SOX6: variants seen among roughly 807,000 people sequenced by gnomAD.
The protein encoded by SOX6 is SRY-box transcription factor 6.
A neutral mutation model predicts 97.8 loss-of-function variants in SOX6; 11 were observed. The ratio of observed to expected loss-of-function variants is 0.11; its 90% confidence interval spans 0.07 to 0.19. SOX6 has a LOEUF of 0.19. SOX6 is among the 10% of genes least tolerant of loss of function. SOX6 has a pLI of 1.00. For missense variants in SOX6, 810 were observed against 1,039.5 expected (o/e 0.78, Z 3.04); for synonymous variants, 360 against 371.4 (o/e 0.97, Z 0.35).
At chr11:16,084,984 T>A (rs1196871566) in intron 9 of SOX6, among the ~76,000 whole-genome samples, 1 of 152,186 alleles carries the variant, frequency 6.6e-6, no homozygotes, top group East Asian at 1.9e-4. Flanking sequence ...AGTGAAGAAT[T>A]TCCACCCAAA....
chr11:16,206,086 TG>T (rs1325472034), intron 4 of SOX6, among the ~76,000 whole-genome samples: 1 of 152,142 alleles, frequency 6.6e-6, no homozygotes, highest in Non-Finnish European at 1.5e-5. Context: ...GGCAAATGTA[TG>T]TATGTTGTAT....
intron 7 of SOX6, among the ~76,000 whole-genome samples, chr11:16,101,579 AC>A (rs1848947741): frequency 6.6e-6 from 1 of 151,638 alleles, no homozygotes; most frequent in African/African-American, 2.4e-5. Flanking sequence ...CAAACCCTTG[AC>A]CAATCATCCG....
At chr11:16,199,542 G>T (rs1169898518) in intron 4 of SOX6, among the ~76,000 whole-genome samples, 2 of 152,198 alleles carry the variant, frequency 1.3e-5, no homozygotes, top group Non-Finnish European at 2.9e-5. Context: ...CTGGAAAAAA[G>T]AGAAATTTTA....
intron 2 of SOX6, among the ~76,000 whole-genome samples, chr11:16,331,206 A>G (rs746769886): frequency 3.9e-5 from 6 of 152,180 alleles, no homozygotes; most frequent in Non-Finnish European, 8.8e-5. Flanking sequence ...TTTTGTAATA[A>G]GCAAAGTAAC....
chr11:16,367,259 C>A (rs1435976371), intron 1 of SOX6, among the ~76,000 whole-genome samples: 1 of 152,144 alleles, frequency 6.6e-6, no homozygotes, highest in Non-Finnish European at 1.5e-5. Flanking sequence ...AGAATTATCA[C>A]TTTCAGGCTT....
chr11:16,111,694 T>C, intron 7 of SOX6, 109 bp downstream of exon 7: 1 of 1,398,854 alleles, frequency 7.1e-7, no homozygotes, highest in South Asian at 1.2e-5. Flanking sequence ...GCTTTTATGA[T>C]ATTTTTATTC....
intron 1 of SOX6, among the ~76,000 whole-genome samples, chr11:16,344,294 A>G (rs1856718048): frequency 6.6e-6 from 1 of 151,852 alleles, no homozygotes; most frequent in Non-Finnish European, 1.5e-5. Flanking sequence ...TTGTTATAAA[A>G]TGTGCACAAA....
intron 7 of SOX6, among the ~76,000 whole-genome samples, chr11:16,105,468 T>G (rs922154458): frequency 2.0e-5 from 3 of 152,098 alleles, no homozygotes; most frequent in South Asian, 2.1e-4. Context: ...CTTGGGAGGC[T>G]GAGGTAGAAA....
chr11:15,994,472 T>C (rs1854163477), intron 13 of SOX6, among the ~76,000 whole-genome samples: 1 of 149,966 alleles, frequency 6.7e-6, no homozygotes, highest in African/African-American at 2.5e-5. Flanking sequence ...GAGATGAAAT[T>C]AGAAAAGTAA....
At chr11:16,568,106 G>T (rs1474461769) in intron 4 of SOX6, among the ~76,000 whole-genome samples, 2 of 151,812 alleles carry the variant, frequency 1.3e-5, no homozygotes, top group Non-Finnish European at 2.9e-5. Context: ...TTACCTTCAG[G>T]CTATGTGTAT....
chr11:16,580,908 G>T (rs182356569), intron 4 of SOX6, among the ~76,000 whole-genome samples: 1 of 151,922 alleles, frequency 6.6e-6, no homozygotes, highest in Non-Finnish European at 1.5e-5. Flanking sequence ...ACCATCTCAC[G>T]CCAGACAGAA....
At chr11:16,210,113 T>A (rs1305951755) in intron 4 of SOX6, among the ~76,000 whole-genome samples, 1 of 152,154 alleles carries the variant, frequency 6.6e-6, no homozygotes, top group African/African-American at 2.4e-5. Context: ...AGTTACTAGA[T>A]GACCCAGCAA....
At chr11:16,439,290 A>G (rs1859451906) in intron 1 of SOX6, among the ~76,000 whole-genome samples, 1 of 152,190 alleles carries the variant, frequency 6.6e-6, no homozygotes, top group Admixed American at 6.5e-5. Context: ...GTCACTCCAA[A>G]TACAATTCTA....
chr11:16,166,090 T>C (rs141687324), intron 6 of SOX6, among the ~76,000 whole-genome samples: 1 of 152,252 alleles, frequency 6.6e-6, no homozygotes, highest in East Asian at 1.9e-4. Flanking sequence ...AGTATAAATG[T>C]ATACAGTCCA....
At chr11:16,426,498 G>C (rs1302511930) in intron 1 of SOX6, among the ~76,000 whole-genome samples, 2 of 151,822 alleles carry the variant, frequency 1.3e-5, no homozygotes, top group Non-Finnish European at 2.9e-5. Context: ...CTAGAAATAA[G>C]ACCACACACC....
At chr11:16,330,073 C>T (rs1045726373) in intron 2 of SOX6, among the ~76,000 whole-genome samples, 5 of 152,148 alleles carry the variant, frequency 3.3e-5, no homozygotes, top group African/African-American at 4.8e-5. Context: ...CCAATTGTTT[C>T]TCTTTATATA....
At chr11:16,495,654 C>T (rs548540436) in intron 4 of SOX6, among the ~76,000 whole-genome samples, 7 of 152,286 alleles carry the variant, frequency 4.6e-5, no homozygotes, top group Non-Finnish European at 1.0e-4. Context: ...AAGGTTGTTC[C>T]CCCACTGCTA....
intron 6 of SOX6, among the ~76,000 whole-genome samples, chr11:16,141,272 G>A (rs1702152439): frequency 6.6e-6 from 1 of 152,158 alleles, no homozygotes; most frequent in African/African-American, 2.4e-5. Context: ...AAGAATGGAA[G>A]TGAAATGAGA....
intron 4 of SOX6, among the ~76,000 whole-genome samples, chr11:16,570,925 C>A (rs1398168948): frequency 6.6e-6 from 1 of 152,128 alleles, no homozygotes; most frequent in African/African-American, 2.4e-5. Flanking sequence ...AATATTTTTA[C>A]AGGATTATTG....
Sources: allele counts gnomAD v4.1 joint callset (sites outside exome capture counted in the v4.1 genomes callset), GRCh38; gene constraint gnomAD v4.1.1; transcripts MANE v1.5; gene names NCBI Gene and HGNC (gene_info 2026-07-23, HGNC 2026-07-21).